CDH8: variants seen among roughly 807,000 people sequenced by gnomAD.
CDH8 encodes cadherin-8.
In CDH8, 17 loss-of-function variants were observed where a neutral mutation model predicts 68.1. That is an observed-to-expected ratio of 0.25 (90% CI 0.17 to 0.37). The LOEUF (loss-of-function observed/expected upper bound fraction) is 0.37. CDH8 is among the 10% of genes least tolerant of loss of function. The probability of loss-of-function intolerance (pLI) is 1.00; values close to 1 mark genes in which losing one functional copy is unlikely to be tolerated. For missense variants in CDH8, 763 were observed against 999.3 expected (o/e 0.76, Z 3.19); for synonymous variants, 372 against 365.1 (o/e 1.02, Z -0.21).
chr16:61,822,294 T>C (rs1962235744), intron 5 of CDH8, among the ~76,000 whole-genome samples: 1 of 144,100 alleles, frequency 6.9e-6, no homozygotes, highest in Non-Finnish European at 1.5e-5. Context: ...CTGGCATTTA[T>C]TGGTCCCATC....
chr16:61,775,410 A>T (rs1425556919), intron 8 of CDH8, among the ~76,000 whole-genome samples: 1 of 152,064 alleles, frequency 6.6e-6, no homozygotes, highest in Admixed American at 6.6e-5. Flanking sequence ...TCAGTCCTAC[A>T]TACTGAGATT....
chr16:61,758,068 A>G (rs1335178345), intron 8 of CDH8, among the ~76,000 whole-genome samples: 2 of 152,158 alleles, frequency 1.3e-5, no homozygotes, highest in African/African-American at 2.4e-5. Flanking sequence ...TAAAAACTTA[A>G]TGGTCCTCAG....
chr16:61,692,016 G>A (rs1964234250), intron 10 of CDH8: 1 of 152,114 alleles, frequency 6.6e-6, no homozygotes, highest in Admixed American at 6.5e-5. Flanking sequence ...TGTAGCCTAA[G>A]GGTTGGGTAC....
intron 3 of CDH8, among the ~76,000 whole-genome samples, chr16:61,882,959 G>T (rs1476960776): frequency 6.6e-6 from 1 of 152,146 alleles, no homozygotes; most frequent in Admixed American, 6.5e-5. Flanking sequence ...TTGATATTCT[G>T]CCATGTAAAT....
chr16:61,881,467 T>C (rs890402600), intron 3 of CDH8, among the ~76,000 whole-genome samples: 2 of 152,142 alleles, frequency 1.3e-5, no homozygotes, highest in African/African-American at 2.4e-5. Context: ...AATAGAATAA[T>C]CAATCCTTTG....
intron 3 of CDH8, among the ~76,000 whole-genome samples, chr16:61,859,142 T>C (rs115718227): frequency 0.012 from 1,765 of 152,316 alleles, 38 homozygotes; most frequent in African/African-American, 0.04. Flanking sequence ...TCAGAGGTTC[T>C]ACAAAATCTG....
intron 7 of CDH8, among the ~76,000 whole-genome samples, chr16:61,798,388 T>A (rs973070131): frequency 6.6e-6 from 1 of 152,194 alleles, no homozygotes; most frequent in Non-Finnish European, 1.5e-5. Context: ...CACAGCTGAA[T>A]TGCATAGAAC....
chr16:61,760,454 G>A (rs1366331826), intron 8 of CDH8, among the ~76,000 whole-genome samples: 1 of 151,828 alleles, frequency 6.6e-6, no homozygotes, highest in Non-Finnish European at 1.5e-5. Context: ...GGGATTACAG[G>A]TGCCCACCAC....
intron 8 of CDH8, among the ~76,000 whole-genome samples, chr16:61,768,369 C>CTCTCTCTCTCTCTCTCT (rs1567461189): frequency 8.5e-5 from 2 of 23,540 alleles, no homozygotes; most frequent in African/African-American, 1.8e-4. Context: ...TCTCTCTCTC[C>CTCTCTCTCTCTCTCTCT]CTTTCTCTCT....
At chr16:61,795,011 T>C (rs1016817144) in intron 7 of CDH8, among the ~76,000 whole-genome samples, 2 of 151,934 alleles carry the variant, frequency 1.3e-5, no homozygotes, top group African/African-American at 2.4e-5. Context: ...CAGTTTGCTT[T>C]TTTCTGGTCC....
rs538959278 is a variant in CDH8, at chr16:61,873,571, T to C, written c.548-16333A>G. Among the ~76,000 whole-genome samples the C allele has an allele frequency of 1.5e-3, 222 of 152,198 alleles. 1 individual carries two copies. Among genetic ancestry groups the C allele is most frequent in the African/African-American group, 5.2e-3 (217 of 41,494 alleles). On this transcript the variant is annotated intron_variant, in intron 3 of 11. Coordinates refer to ENST00000577390, the MANE Select transcript of CDH8 (RefSeq NM_001796.5). Reference sequence around the variant, plus strand: ...CAGACAGTCCCTGACTTATGACGGGTCAACTTATGAATTTTTGACCTTTAT... The same window carrying C: ...CAGACAGTCCCTGACTTATGACGGGCCAACTTATGAATTTTTGACCTTTAT...
intron 3 of CDH8, among the ~76,000 whole-genome samples, chr16:61,865,374 A>C (rs1481034508): frequency 1.3e-5 from 2 of 152,210 alleles, no homozygotes; most frequent in Admixed American, 1.3e-4. Flanking sequence ...GAAACAATTA[A>C]ACACTTTAGA....
intron 2 of CDH8, among the ~76,000 whole-genome samples, chr16:61,960,148 CAT>C (rs1428384814): frequency 6.0e-5 from 4 of 66,960 alleles, no homozygotes; most frequent in Non-Finnish European, 5.5e-5. Flanking sequence ...TACATATATA[CAT>C]ATGTGTGTGT....
chr16:61,788,452 C>A (rs1961291563), intron 8 of CDH8, among the ~76,000 whole-genome samples: 1 of 151,980 alleles, frequency 6.6e-6, no homozygotes, highest in South Asian at 2.1e-4. Flanking sequence ...TTTATTGTCT[C>A]CTTTGAATTT....
At chr16:61,989,513 T>G (rs933813816) in intron 2 of CDH8, among the ~76,000 whole-genome samples, 2 of 152,104 alleles carry the variant, frequency 1.3e-5, no homozygotes, top group African/African-American at 2.4e-5. Context: ...ATATACACAT[T>G]CAGAGATAAA....
intron 8 of CDH8, among the ~76,000 whole-genome samples, chr16:61,763,442 C>A (rs1960515425): frequency 6.6e-6 from 1 of 152,156 alleles, no homozygotes; most frequent in Non-Finnish European, 1.5e-5. Context: ...CGCAAAGCAT[C>A]CCATTGATCC....
chr16:61,910,722 T>C (rs1029593286), intron 2 of CDH8, among the ~76,000 whole-genome samples: 1 of 152,136 alleles, frequency 6.6e-6, no homozygotes, highest in Non-Finnish European at 1.5e-5. Flanking sequence ...TAGGGTGGAC[T>C]CTTATGGGGA....
chr16:61,665,506 G>C (rs1038208477), intron 10 of CDH8, among the ~76,000 whole-genome samples: 10 of 151,964 alleles, frequency 6.6e-5, no homozygotes, highest in Non-Finnish European at 1.3e-4. Context: ...CCTGTCAGGG[G>C]GTGGGGGGCA....
Position 61,901,182 on chromosome 16 carries a change from A to T in CDH8, c.544T>A (p.Leu182Met), listed in dbSNP as rs762976604. The T allele has an allele frequency of 1.2e-6, 2 of 1,612,420 alleles. No homozygotes were observed. Among genetic ancestry groups the T allele is most frequent in the South Asian group, 2.2e-5 (2 of 91,016 alleles). The change falls in exon 3 of 12, where the codon TTG (leucine) becomes ATG (methionine). Residue 182 changes from leucine to methionine, a missense_variant. Coordinates refer to ENST00000577390, the MANE Select transcript of CDH8 (RefSeq NM_001796.5). The stretch of plus-strand genomic sequence containing the variant: ...GTGAAATTGGAAGCATACATACCCA[A>T]AATGGACATTTCTGGCACAGTAGCA... ...YHATVPEMSI[L>M]GTSVTNVTAT...
Sources: allele counts gnomAD v4.1 joint callset (sites outside exome capture counted in the v4.1 genomes callset), GRCh38; gene constraint gnomAD v4.1.1; transcripts MANE v1.5; gene names NCBI Gene and HGNC (gene_info 2026-07-23, HGNC 2026-07-21).